The following ZBTB8OS variants were observed in gnomAD, a reference collection of about 807,000 sequenced individuals.
ZBTB8OS encodes the protein tRNA-splicing ligase-activating factor archease.
In ZBTB8OS, 16 loss-of-function variants were observed where a neutral mutation model predicts 29.3. The ratio of observed to expected loss-of-function variants is 0.55; its 90% CI spans 0.37 to 0.83. The LOEUF is 0.83. Among genes scored for constraint, ZBTB8OS ranks in the 40% least tolerant of loss-of-function variants. The probability of loss-of-function intolerance (pLI) is 0.00; values close to 1 mark genes in which losing one functional copy is unlikely to be tolerated. For synonymous variants in ZBTB8OS, 70 were observed against 64.6 expected (o/e 1.08, Z -0.40); for missense variants, 160 against 196.9 (o/e 0.81, Z 1.12).
At position 32,633,966 on chromosome 1, in the gene ZBTB8OS, C is replaced by G; in HGVS notation, c.229G>C (p.Glu77Gln). ...AATCATTTACCTTGGGTTTCTACTT[C>G]TACTGTTTGGAGGGGCTCCACTGTC... ...TGTVEPLQTVEVETQGDDLQS... is the reference protein window; with the variant it reads ...TGTVEPLQTVQVETQGDDLQS... The change falls in exon 3 of 7, where the codon GAA becomes CAA. Residue 77 changes from glutamate (E) to glutamine (Q), a missense_variant. Glu to Gln is a conservative substitution (Grantham distance 29). Transcript: ENST00000468695. 1 of 1,584,360 alleles carries G rather than the reference C, an allele frequency of 6.3e-7. No homozygotes were observed. The highest frequency in any genetic ancestry group is 8.5e-7 in the Non-Finnish European group (1 of 1,171,744).
At chr1:32,648,832 T>G (rs1464889120) in intron 1 of ZBTB8OS, among the ~76,000 whole-genome samples, 1 of 151,704 alleles carries the variant, frequency 6.6e-6, no homozygotes, top group Non-Finnish European at 1.5e-5. Flanking sequence ...CTAATTTTTG[T>G]ATTTTTAGTA....
rs1451047165 is a variant in ZBTB8OS, at chr1:32,625,809, A to G, written c.417+1699T>C. ...AATTTAGAATACAGTTATGTGCCGC[A>G]TAACATTTTGGTCAATGACTAACTG... On this transcript the variant is annotated intron_variant, in intron 6 of 6. Coordinates refer to ENST00000468695, the MANE Select transcript of ZBTB8OS (RefSeq NM_178547.5). Among the ~76,000 whole-genome samples the G allele has an allele frequency of 6.6e-5, 10 of 152,332 alleles. No individual in the cohort carries two copies. The East Asian group carries it at 1.7e-3, about 26-fold the overall frequency.
intron 1 of ZBTB8OS, among the ~76,000 whole-genome samples, chr1:32,645,135 C>T (rs1280320198): frequency 1.3e-5 from 2 of 151,438 alleles, no homozygotes; most frequent in African/African-American, 2.4e-5. Context: ...GCCGAGATGG[C>T]GCCACTGCAC....
chr1:32,621,789 T>C lies in ZBTB8OS; in HGVS notation c.*73A>G. 9.7e-7 allele frequency: 1 copy of C among 1,027,062 alleles called. No individual in the cohort carries two copies. The highest frequency in any genetic ancestry group is 1.6e-5 in the African/African-American group (1 of 61,110). 63.6% of individuals were successfully genotyped at this position (1,027,062 alleles called of 1,614,324 possible). A position where few individuals can be genotyped will look rare whatever the true frequency, so the allele number is the denominator to read the frequency against. ...ATCAAAAAAAAGCTGTAGAATTTAA[T>C]TCATAGTGTCTTCTCAAAAGGAAGA... On this transcript the variant is annotated 3_prime_UTR_variant, in exon 7 of 7. Transcript: ENST00000468695.
intron 6 of ZBTB8OS, among the ~76,000 whole-genome samples, chr1:32,624,184 G>GTCTT (rs1330268010): frequency 6.6e-6 from 1 of 152,178 alleles, no homozygotes; most frequent in Non-Finnish European, 1.5e-5. Context: ...TCTCGGGTAT[G>GTCTT]TCTTTATCAG....
At chr1:32,635,723 C>A (rs960874907) in intron 1 of ZBTB8OS, among the ~76,000 whole-genome samples, 1 of 152,128 alleles carries the variant, frequency 6.6e-6, no homozygotes, top group African/African-American at 2.4e-5. Flanking sequence ...TGAAAGAAAT[C>A]GGACCTAACT....
chr1:32,634,465 T>G (rs1645804355), intron 2 of ZBTB8OS: 1 of 438,104 alleles, frequency 2.3e-6, no homozygotes, highest in African/African-American at 2.0e-5. Flanking sequence ...GACCTCATGA[T>G]CCGTCCGCCT....
chr1:32,624,143 A>G (rs1462524684), intron 6 of ZBTB8OS, among the ~76,000 whole-genome samples: 2 of 152,220 alleles, frequency 1.3e-5, no homozygotes, highest in Non-Finnish European at 2.9e-5. Context: ...CTATGAATCA[A>G]TTAAGCCCCT....
chr1:32,650,403 T>C (rs776911090), intron 1 of ZBTB8OS, 30 bp downstream of exon 1: 4 of 1,613,824 alleles, frequency 2.5e-6, no homozygotes, highest in Non-Finnish European at 3.4e-6. Flanking sequence ...TGTGCTTACA[T>C]GTAAAGAGAG....
intron 1 of ZBTB8OS, among the ~76,000 whole-genome samples, chr1:32,638,698 A>G (rs1208539961): frequency 1.3e-5 from 2 of 152,116 alleles, no homozygotes; most frequent in Non-Finnish European, 2.9e-5. Flanking sequence ...AGTTCACTTG[A>G]AATTAGGAGT....
Position 32,635,276 on chromosome 1 carries a change from CT to C in ZBTB8OS, c.98-485del, listed in dbSNP as rs4011958. Among the ~76,000 whole-genome samples, 472 of 141,594 alleles carry C rather than the reference CT, an allele frequency of 3.3e-3. 1 individual carries two copies. Among genetic ancestry groups the C allele is most frequent in the Middle Eastern group, 0.011 (3 of 272 alleles). The allele number at this position is 141,594 out of a possible 152,430, so 92.9% of individuals were successfully genotyped here. On this transcript the variant is annotated intron_variant, in intron 1 of 6. Transcript: ENST00000468695. ...AACATTCTTCATCCATATCATGACT[CT>C]TTTTTTTTTTTTTAGTTGGAGTTTC...
At chr1:32,635,165 A>G (rs1645859722) in intron 1 of ZBTB8OS, among the ~76,000 whole-genome samples, 2 of 152,090 alleles carry the variant, frequency 1.3e-5, no homozygotes, top group South Asian at 2.1e-4. Flanking sequence ...ACTCCACAAT[A>G]TATGAGCTTT....
intron 1 of ZBTB8OS, among the ~76,000 whole-genome samples, chr1:32,644,238 A>G (rs1192925257): frequency 6.6e-6 from 1 of 152,168 alleles, no homozygotes; most frequent in Non-Finnish European, 1.5e-5. Context: ...CTGCGGATAT[A>G]GCTTGCCACA....
chr1:32,644,702 AGCT>A (rs1267494174), intron 1 of ZBTB8OS, among the ~76,000 whole-genome samples: 3 of 138,350 alleles, frequency 2.2e-5, no homozygotes, highest in Non-Finnish European at 3.1e-5. Context: ...CACCACACCC[AGCT>A]TTTTTTTTTT....
chr1:32,648,660 A>C (rs1388817736), intron 1 of ZBTB8OS, among the ~76,000 whole-genome samples: 2 of 152,128 alleles, frequency 1.3e-5, no homozygotes, highest in East Asian at 3.9e-4. Flanking sequence ...ATGACCTATT[A>C]AAAATAATTT....
intron 1 of ZBTB8OS, 160 bp downstream of exon 1, chr1:32,650,273 C>A: frequency 1.0e-6 from 1 of 964,248 alleles, no homozygotes; most frequent in East Asian, 2.6e-5. Context: ...CCTTCAGCAT[C>A]CCCAGGAGAA....
At chr1:32,638,674 A>G (rs1646175925) in intron 1 of ZBTB8OS, among the ~76,000 whole-genome samples, 1 of 152,224 alleles carries the variant, frequency 6.6e-6, no homozygotes, top group Non-Finnish European at 1.5e-5. Context: ...GCAGTTTGGG[A>G]GGCCAAGGTG....
intron 1 of ZBTB8OS, among the ~76,000 whole-genome samples, chr1:32,638,791 G>A (rs1220847229): frequency 1.3e-5 from 2 of 151,282 alleles, no homozygotes; most frequent in Non-Finnish European, 2.9e-5. Flanking sequence ...GCACAACCCT[G>A]TAATCCCAGC....
chr1:32,628,457 T>G (rs767878636), intron 5 of ZBTB8OS, among the ~76,000 whole-genome samples: 1 of 150,294 alleles, frequency 6.7e-6, no homozygotes, highest in African/African-American at 2.5e-5. Context: ...GCCAACATGA[T>G]GAAACTCTGT....
Sources: allele counts gnomAD v4.1 joint callset (sites outside exome capture counted in the v4.1 genomes callset), GRCh38; gene constraint gnomAD v4.1.1; transcripts MANE v1.5; gene names NCBI Gene and HGNC (gene_info 2026-07-23, HGNC 2026-07-21).